Variants in PDZRN3 observed in about 807,000 individuals in gnomAD.
PDZRN3 encodes the protein PDZ domain containing ring finger 3.
In PDZRN3, 38 loss-of-function variants were observed where a neutral mutation model predicts 85.7. The observed-to-expected ratio is 0.44, with a 90% CI of 0.34 to 0.58. The LOEUF (loss-of-function observed/expected upper bound fraction) is 0.58. Among genes scored for constraint, PDZRN3 ranks in the 20% least tolerant of loss-of-function variants. PDZRN3 has a pLI of 0.01. For missense variants in PDZRN3, 1,629 were observed against 1,506.4 expected (o/e 1.08, Z -1.35); for synonymous variants, 759 against 638.0 (o/e 1.19, Z -2.86).
chr3:73,549,960 A>T (rs1701513192), intron 3 of PDZRN3, among the ~76,000 whole-genome samples: 1 of 152,204 alleles, frequency 6.6e-6, no homozygotes, highest in Non-Finnish European at 1.5e-5. Flanking sequence ...ATGTCCTTTC[A>T]GATCCTGGGC....
intron 3 of PDZRN3, among the ~76,000 whole-genome samples, chr3:73,517,221 C>T (rs1704271750): frequency 6.6e-6 from 1 of 152,198 alleles, no homozygotes; most frequent in African/African-American, 2.4e-5. Context: ...GTGACTTTGG[C>T]TAACTTAGTT....
intron 5 of PDZRN3, among the ~76,000 whole-genome samples, chr3:73,395,357 G>C (rs1701614015): frequency 6.6e-6 from 1 of 152,202 alleles, no homozygotes; most frequent in Non-Finnish European, 1.5e-5. Flanking sequence ...AATCAAACTG[G>C]TATGAATAAT....
intron 3 of PDZRN3, among the ~76,000 whole-genome samples, chr3:73,476,991 C>A (rs773980612): frequency 6.6e-6 from 1 of 152,120 alleles, no homozygotes; most frequent in South Asian, 2.1e-4. Context: ...ATCTGTTACA[C>A]GCAATAGATA....
At chr3:73,480,304 T>G (rs529560754) in intron 3 of PDZRN3, among the ~76,000 whole-genome samples, 2 of 152,272 alleles carry the variant, frequency 1.3e-5, no homozygotes, top group East Asian at 3.9e-4. Flanking sequence ...GGCGGGCCCT[T>G]TGTGATCTGG....
rs756567420 is a variant in PDZRN3, at chr3:73,624,284, T to C, written c.542A>G (p.His181Arg). 1 of 1,379,422 alleles carries C rather than the reference T, an allele frequency of 7.2e-7. No homozygotes were observed. The highest frequency in any genetic ancestry group is 9.3e-7 in the Non-Finnish European group (1 of 1,074,932). The allele number at this position is 1,379,422 out of a possible 1,614,324, so 85.4% of individuals were successfully genotyped here. Reference sequence around the variant, plus strand: ...CAGCGCCTCCTTCTTGAGCGCCTTGTGCAGCGCGCCCAGGCGGGCCTGGAG... The same window carrying C: ...CAGCGCCTCCTTCTTGAGCGCCTTGCGCAGCGCGCCCAGGCGGGCCTGGAG... ...GALQARLGAL[H>R]KALKKEALRA... The change falls in exon 1 of 10, where the codon CAC becomes CGC. Residue 181 changes from histidine to arginine, a missense_variant. Physicochemically the swap from His to Arg is conservative, Grantham distance 29. Coordinates refer to ENST00000263666, the MANE Select transcript of PDZRN3 (RefSeq NM_015009.3).
chr3:73,418,026 A>T lies in PDZRN3; in HGVS notation c.919-13631T>A, dbSNP rs1385038037. Among the ~76,000 whole-genome samples, 6 of 152,254 alleles carry T rather than the reference A, an allele frequency of 3.9e-5. 1 individual carries two copies. The highest frequency in any genetic ancestry group is 6.3e-3 in the Middle Eastern group (2 of 316). ...AAACTTAAGTGTGTACTTCTTTCTC[A>T]AAGATTTATAAATGTGATTTACAAA... On this transcript the variant is annotated intron_variant, in intron 3 of 9. Coordinates refer to ENST00000263666, the MANE Select transcript of PDZRN3 (RefSeq NM_015009.3).
In PDZRN3 at chr3:73,397,364, C is replaced by A. The variant is rs562010648; in HGVS notation, c.1254+3558G>T. Reference sequence around the variant, plus strand: ...GTGGTCTGTTGAGATTGGCCCCTTACTTAAATAACAGCCTGATTTTTCTAA... The same window carrying A: ...GTGGTCTGTTGAGATTGGCCCCTTAATTAAATAACAGCCTGATTTTTCTAA... On this transcript the variant is annotated intron_variant, in intron 5 of 9. Transcript: ENST00000263666. Among the ~76,000 whole-genome samples the A allele has an allele frequency of 3.3e-5, 5 of 152,282 alleles. No individual in the cohort carries two copies. In the South Asian group the frequency reaches 1.0e-3, roughly 32 times the overall value.
intron 3 of PDZRN3, among the ~76,000 whole-genome samples, chr3:73,582,174 G>A (rs565001659): frequency 2.0e-5 from 3 of 152,134 alleles, no homozygotes; most frequent in Non-Finnish European, 4.4e-5. Context: ...AGAAGGCTAC[G>A]GAAGGCTTTG....
intron 6 of PDZRN3, among the ~76,000 whole-genome samples, chr3:73,390,743 G>A (rs946773456): frequency 2.6e-5 from 4 of 151,774 alleles, no homozygotes; most frequent in Admixed American, 2.6e-4. Context: ...ATGTGAATCT[G>A]CTCTTCCCTT....
intron 3 of PDZRN3, among the ~76,000 whole-genome samples, chr3:73,475,311 A>C (rs940836078): frequency 6.6e-6 from 1 of 152,314 alleles, no homozygotes; most frequent in African/African-American, 2.4e-5. Context: ...CAAAACACCA[A>C]GCGTGCTGAC....
At position 73,388,083 on chromosome 3, in the gene PDZRN3, A is replaced by AAACCC; in HGVS notation, c.1417-15_1417-14insGGGTT. On this transcript the variant is annotated splice_polypyrimidine_tract_variant and intron_variant, in intron 7 of 9. Transcript: ENST00000263666. ...TATCCCATTAATCTTTTAAAAAAAA[A>AAACCC]GGGGGGGTGGGGAGAGTGGGGAGAC... The AAACCC allele has an allele frequency of 1.1e-6, 1 of 908,168 alleles. No homozygotes were observed. The highest frequency in any genetic ancestry group is 1.7e-6 in the Non-Finnish European group (1 of 588,928). 56.3% of individuals were successfully genotyped at this position (908,168 alleles called of 1,614,324 possible).
chr3:73,622,616 A>G (rs1201602835), intron 1 of PDZRN3, among the ~76,000 whole-genome samples: 1 of 152,186 alleles, frequency 6.6e-6, no homozygotes, highest in Non-Finnish European at 1.5e-5. Context: ...GAATGCTGCT[A>G]AACATCCTAC....
chr3:73,457,480 G>C (rs1703009339), intron 3 of PDZRN3, among the ~76,000 whole-genome samples: 1 of 152,056 alleles, frequency 6.6e-6, no homozygotes, highest in African/African-American at 2.4e-5. Context: ...GGTTTGTTGG[G>C]TTCCAGAGAG....
chr3:73,453,082 C>T (rs2106846487), intron 3 of PDZRN3, among the ~76,000 whole-genome samples: 1 of 152,124 alleles, frequency 6.6e-6, no homozygotes, highest in East Asian at 1.9e-4. Context: ...AGAAAGTATG[C>T]CACTTTCCCT....
chr3:73,573,185 A>G (rs1702068410), intron 3 of PDZRN3, among the ~76,000 whole-genome samples: 1 of 152,212 alleles, frequency 6.6e-6, no homozygotes, highest in South Asian at 2.1e-4. Context: ...ATATTAAGGT[A>G]GGACCCCAGA....
intron 3 of PDZRN3, among the ~76,000 whole-genome samples, chr3:73,448,907 C>T (rs1702804307): frequency 6.6e-6 from 1 of 152,192 alleles, no homozygotes; most frequent in Non-Finnish European, 1.5e-5. Flanking sequence ...CCATGACTAC[C>T]ACAACCCAGT....
At chr3:73,405,698 G>A (rs903923480) in intron 3 of PDZRN3, among the ~76,000 whole-genome samples, 5 of 152,166 alleles carry the variant, frequency 3.3e-5, no homozygotes, top group African/African-American at 1.2e-4. Flanking sequence ...CAATGTGCAT[G>A]TTTTTAGCAT....
chr3:73,600,960 C>A (rs1157044112), intron 3 of PDZRN3, among the ~76,000 whole-genome samples: 2 of 152,144 alleles, frequency 1.3e-5, no homozygotes, highest in Non-Finnish European at 2.9e-5. Context: ...AGTTTAAGAA[C>A]CCTTCAAACA....
At chr3:73,516,814 A>G (rs924128493) in intron 3 of PDZRN3, among the ~76,000 whole-genome samples, 5 of 151,984 alleles carry the variant, frequency 3.3e-5, no homozygotes, top group Non-Finnish European at 1.5e-5. Context: ...GGAGTCCTGG[A>G]CACCTGCCCA....
Sources: gnomAD v4.1 joint callset for allele counts (sites outside exome capture counted in the v4.1 genomes callset) on GRCh38, gnomAD v4.1.1 for gene constraint, MANE v1.5 for transcripts, NCBI Gene and HGNC (gene_info 2026-07-23, HGNC 2026-07-21) for gene names.